The following LYG1 variants were observed in gnomAD, a reference collection of about 807,000 sequenced individuals.
LYG1 encodes lysozyme g1, also known as lysozyme g-like protein 1.
A neutral mutation model predicts 21.7 loss-of-function variants in LYG1; 17 were observed. The ratio of observed to expected loss-of-function variants is 0.78; its 90% CI spans 0.54 to 1.18. LYG1 has a LOEUF of 1.18. LYG1 is among the 50% of genes most tolerant of loss of function. The probability of loss-of-function intolerance (pLI) is 0.00; values close to 1 mark genes in which losing one functional copy is unlikely to be tolerated. For synonymous variants in LYG1, 81 were observed against 87.4 expected, an observed-to-expected ratio of 0.93 and a Z score of 0.41; for missense variants, 211 against 238.1, an observed-to-expected ratio of 0.89 and a Z score of 0.75.
upstream of LYG1, among the ~76,000 whole-genome samples, chr2:99,304,423 C>T (rs1171153627): frequency 6.6e-6 from 1 of 152,200 alleles, no homozygotes; most frequent in Non-Finnish European, 1.5e-5. Flanking sequence ...TCTGTTAAAC[C>T]TCTTGCTTTT....
chr2:99,292,459 C>A, intron 4 of LYG1, 77 bp downstream of exon 4: 1 of 1,115,976 alleles, frequency 9.0e-7, no homozygotes. Context: ...GGAACTCTTT[C>A]CAACACTCAG....
At position 99,292,985 on chromosome 2, in the gene LYG1, CTTTTTTTTTT is replaced by C. The variant is rs70940159; in HGVS notation, c.44-355_44-346del. Among the ~76,000 whole-genome samples, 13 of 83,160 alleles carry C rather than the reference CTTTTTTTTTT, an allele frequency of 1.6e-4. No individual in the cohort carries two copies. The South Asian group carries it at 4.5e-3, about 28-fold the overall frequency. The allele number at this position is 83,160 out of a possible 152,430, so 54.6% of individuals were successfully genotyped here. ...TCCCTGTAAAGTAGTCCTCATCTTACTTTTTTTTTTTTTTTTTTTTTTTTGAGATGGAGTC... is the reference window on the plus strand; with the variant it reads ...TCCCTGTAAAGTAGTCCTCATCTTACTTTTTTTTTTTTTTGAGATGGAGTC... On this transcript the variant is annotated intron_variant, in intron 3 of 6. Transcript: ENST00000308528.
At chr2:99,299,335 G>A (rs2094147236) in intron 1 of LYG1, among the ~76,000 whole-genome samples, 1 of 149,824 alleles carries the variant, frequency 6.7e-6, no homozygotes, top group African/African-American at 2.5e-5. Context: ...CTCCCAGGTG[G>A]GAGTGCAGTG....
chr2:99,296,818 A>C (rs2094137992), intron 2 of LYG1, among the ~76,000 whole-genome samples: 1 of 152,168 alleles, frequency 6.6e-6, no homozygotes, highest in Admixed American at 6.5e-5. Context: ...TCTTTCAAAC[A>C]CCCAGGAAGA....
intron 3 of LYG1, among the ~76,000 whole-genome samples, chr2:99,293,040 G>A (rs2094125090): frequency 8.2e-6 from 1 of 121,334 alleles, no homozygotes; most frequent in Non-Finnish European, 1.6e-5. Flanking sequence ...CGCCTAGTCT[G>A]GAGTGCAGTG....
chr2:99,284,482 C>T lies in LYG1; in HGVS notation c.496G>A (p.Gly166Ser). Reference protein sequence around the residue: ...GGLCAYSGGAGYVRSSQDLSC... With the variant: ...GGLCAYSGGASYVRSSQDLSC... ...AGGTCCTGGCTGCTTCGGACATAGC[C>T]AGCACCCCCACTGTAGGCACAGAGT... is the stretch of plus-strand genomic sequence containing the variant. Residue 166 changes from glycine to serine, a missense_variant, in exon 7 of 7, where the codon GGC becomes AGC. Gly to Ser is a moderately conservative substitution (Grantham distance 56). Transcript: ENST00000308528. 3 of 1,614,172 alleles carry T rather than the reference C, an allele frequency of 1.9e-6. No individual in the cohort carries two copies. Among genetic ancestry groups the T allele is most frequent in the Non-Finnish European group, 2.5e-6 (3 of 1,180,016 alleles).
intron 4 of LYG1, 97 bp from the exon 5 acceptor site, chr2:99,291,518 A>C: frequency 7.4e-7 from 1 of 1,350,738 alleles, no homozygotes; most frequent in East Asian, 2.5e-5. Context: ...GGATCTGAGT[A>C]ATGGTCGAGG....
intron 3 of LYG1, among the ~76,000 whole-genome samples, chr2:99,293,307 T>C (rs1344918834): frequency 2.0e-5 from 3 of 152,194 alleles, no homozygotes; most frequent in Non-Finnish European, 4.4e-5. Flanking sequence ...TTTCATCTTA[T>C]ATGAACTCTG....
upstream of LYG1, among the ~76,000 whole-genome samples, chr2:99,303,261 A>G (rs1272522806): frequency 1.3e-5 from 2 of 151,964 alleles, no homozygotes; most frequent in Non-Finnish European, 2.9e-5. Context: ...CATCCATTTT[A>G]TTTTTTCCAC....
chr2:99,296,266 T>C (rs541799022), intron 2 of LYG1, among the ~76,000 whole-genome samples: 5 of 152,214 alleles, frequency 3.3e-5, no homozygotes, highest in Admixed American at 1.3e-4. Flanking sequence ...TTGAGCCATG[T>C]TCCCCATTCC....
intron 5 of LYG1, among the ~76,000 whole-genome samples, chr2:99,288,762 A>G (rs2105291511): frequency 6.6e-6 from 1 of 152,068 alleles, no homozygotes; most frequent in African/African-American, 2.4e-5. Context: ...TAAAGACAGG[A>G]TTTCACCTTG....
At chr2:99,292,373 T>C (rs2094121983) in intron 4 of LYG1, among the ~76,000 whole-genome samples, 163 bp downstream of exon 4, 2 of 152,232 alleles carry the variant, frequency 1.3e-5, no homozygotes, top group South Asian at 2.1e-4. Flanking sequence ...AATACCGTAC[T>C]GCTAGCCGCC....
rs561067743 is a variant in LYG1 at position 99,291,847 on chromosome 2, C to A, written c.149-426G>T. Among the ~76,000 whole-genome samples, 156 of 152,344 alleles carry A rather than the reference C, an allele frequency of 1.0e-3. 1 individual carries two copies. Among genetic ancestry groups the A allele is most frequent in the Non-Finnish European group, 1.8e-3 (121 of 68,028 alleles). The stretch of plus-strand genomic sequence containing the variant: ...GATAGTGTTCCTCAACAAGTTTGTT[C>A]ACAATTGCACAGTTTTCCACTCCTA... On this transcript the variant is annotated intron_variant, in intron 4 of 6. Coordinates refer to ENST00000308528, the MANE Select transcript of LYG1 (RefSeq NM_174898.3).
rs2094123261 is a variant in LYG1 at position 99,292,636 on chromosome 2, C to G, written c.48G>C (p.Leu16Phe). 2 of 1,612,450 alleles carry G rather than the reference C, an allele frequency of 1.2e-6. No individual in the cohort carries two copies. Among genetic ancestry groups the G allele is most frequent in the Non-Finnish European group, 1.7e-6 (2 of 1,178,470 alleles). Residue 16 changes from leucine (L) to phenylalanine (F), a missense_variant, in exon 4 of 7, where the codon TTG becomes TTC. Transcript: ENST00000308528. ...AGCATCCCCAGTTGCTGCTTTCAGACAAGTCTACAAGTTGAGAAAAGTTCA... is the reference window on the plus strand; with the variant it reads ...AGCATCCCCAGTTGCTGCTTTCAGAGAAGTCTACAAGTTGAGAAAAGTTCA... The part of the protein sequence containing the change: ...LLLGLLALMD[L>F]SESSNWGCYG...
rs567170459 is a variant in LYG1 at position 99,300,531 on chromosome 2, T to C, written c.-124+519A>G. Among the ~76,000 whole-genome samples, 3 of 152,346 alleles carry C rather than the reference T, an allele frequency of 2.0e-5. No homozygotes were observed. In the East Asian group the frequency reaches 5.8e-4, roughly 29 times the overall value. ...CTTTTTAGTCTGTTAGCCGAGGCTGTTAGACATGTTGGCCTTAGTTCTTAC... is the reference window on the plus strand; with the variant it reads ...CTTTTTAGTCTGTTAGCCGAGGCTGCTAGACATGTTGGCCTTAGTTCTTAC... On this transcript the variant is annotated intron_variant, in intron 1 of 6. Transcript: ENST00000308528.
upstream of LYG1, among the ~76,000 whole-genome samples, chr2:99,304,249 T>C (rs2094161351): frequency 6.6e-6 from 1 of 152,194 alleles, no homozygotes. Flanking sequence ...GTTTCCCCCA[T>C]ACTGTTCTCA....
chr2:99,285,223 G>A (rs2094095489), intron 5 of LYG1, among the ~76,000 whole-genome samples: 1 of 151,978 alleles, frequency 6.6e-6, no homozygotes, highest in Non-Finnish European at 1.5e-5. Context: ...TTAGCTGGGC[G>A]TGGTGGTGTG....
rs191036541 is a variant in LYG1 at position 99,297,242 on chromosome 2, A to G, written c.-33+1217T>C. On this transcript the variant is annotated intron_variant, in intron 2 of 6. Transcript: ENST00000308528. ...AGGAACGCTCAGATTTAATCACCCA[A>G]CAGGAGTCATTTATTCAGCATCCTG... 1.5e-3 allele frequency among the ~76,000 whole-genome samples: 221 copies of G among 152,268 alleles called. 1 individual carries two copies. The highest frequency in any genetic ancestry group is 5.0e-3 in the African/African-American group (209 of 41,542).
chr2:99,296,566 A>G (rs1266747435), intron 2 of LYG1, among the ~76,000 whole-genome samples: 2 of 152,124 alleles, frequency 1.3e-5, no homozygotes, highest in Non-Finnish European at 2.9e-5. Flanking sequence ...CACCAAGGAT[A>G]GTTTGCTGTT....
Sources: allele counts gnomAD v4.1 joint callset (sites outside exome capture counted in the v4.1 genomes callset), GRCh38; gene constraint gnomAD v4.1.1; transcripts MANE v1.5; gene names NCBI Gene and HGNC (gene_info 2026-07-23, HGNC 2026-07-21).